Variants in WDR11 observed in about 807,000 individuals in gnomAD.
The protein encoded by WDR11 is WD repeat-containing protein 11.
WDR11 carries 83 observed loss-of-function variants against 151.2 expected under a neutral mutation model. The ratio of observed to expected loss-of-function variants is 0.55; its 90% confidence interval spans 0.46 to 0.66. The LOEUF (loss-of-function observed/expected upper bound fraction) is 0.66. Ranked by LOEUF, WDR11 falls within the 30% of genes least tolerant of loss-of-function variation. The pLI is 0.00. For missense variants in WDR11, 1,301 were observed against 1,480.9 expected (o/e 0.88, Z 1.99); for synonymous variants, 484 against 533.1 (o/e 0.91, Z 1.27).
rs1199360709 is a variant in WDR11 at position 120,909,270 on chromosome 10, G to GTAA, written c.*559_*561dup. 6.5e-6 allele frequency: 1 copy of GTAA among 154,830 alleles called. No homozygotes were observed. The highest frequency in any genetic ancestry group is 2.4e-5 in the African/African-American group (1 of 41,158). 9.6% of individuals were successfully genotyped at this position (154,830 alleles called of 1,614,324 possible). On this transcript the variant is annotated 3_prime_UTR_variant, in exon 29 of 29. Transcript: ENST00000263461. ...TTGGTTTAAGCAGTTGCTAAGTTTT[G>GTAA]TAATTTTAGGCTCAGAGGACCATAG...
At chr10:120,872,058 A>G (rs1009704515) in intron 10 of WDR11, among the ~76,000 whole-genome samples, 2 of 152,192 alleles carry the variant, frequency 1.3e-5, no homozygotes, top group African/African-American at 4.8e-5. Flanking sequence ...TCTTCTTAAG[A>G]TGCTATCGGC....
chr10:120,864,193 A>G (rs1846235400), intron 5 of WDR11, among the ~76,000 whole-genome samples: 1 of 152,152 alleles, frequency 6.6e-6, no homozygotes, highest in Non-Finnish European at 1.5e-5. Flanking sequence ...ACACCAATTT[A>G]AATAAAGTTA....
intron 11 of WDR11, among the ~76,000 whole-genome samples, chr10:120,874,647 A>G (rs919543280): frequency 6.6e-6 from 1 of 151,982 alleles, no homozygotes; most frequent in African/African-American, 2.4e-5. Flanking sequence ...CTTATGAGTG[A>G]GAACATACAG....
chr10:120,891,620 CTT>C (rs1446610563), intron 19 of WDR11, among the ~76,000 whole-genome samples: 2 of 152,204 alleles, frequency 1.3e-5, no homozygotes, highest in African/African-American at 4.8e-5. Context: ...CCCAGCAAAA[CTT>C]TGGTGCACAC....
At position 120,880,997 on chromosome 10, in the gene WDR11, A is replaced by T. The variant is rs535308245; in HGVS notation, c.1739+96A>T. Reference sequence around the variant, plus strand: ...AGAAAATGGGAATGTGCTGGAATGCATATGGAATCTTTTTAGTGATAGCAA... The same window carrying T: ...AGAAAATGGGAATGTGCTGGAATGCTTATGGAATCTTTTTAGTGATAGCAA... On this transcript the variant is annotated intron_variant, in intron 13 of 28. Transcript: ENST00000263461. 11 of 1,094,340 alleles carry T rather than the reference A, an allele frequency of 1.0e-5. No homozygotes were observed. The East Asian group carries it at 2.8e-4, about 28-fold the overall frequency. The allele number at this position is 1,094,340 out of a possible 1,614,324, so 67.8% of individuals were successfully genotyped here.
chr10:120,888,428 A>G (rs1208628199), intron 16 of WDR11, among the ~76,000 whole-genome samples: 2 of 152,136 alleles, frequency 1.3e-5, no homozygotes, highest in Admixed American at 6.5e-5. Flanking sequence ...CCATGATACC[A>G]CCTCTGAGCA....
intron 22 of WDR11, 41 bp from the exon 23 acceptor site, chr10:120,903,014 G>C (rs373480833): frequency 4.4e-6 from 7 of 1,607,974 alleles, no homozygotes; most frequent in Non-Finnish European, 6.0e-6. Context: ...TCCAGGCCAG[G>C]TGTGCTGAGT....
rs1846664807 is a variant in WDR11 at position 120,874,194 on chromosome 10, TTGTTGTTGTTGTTG to T, written c.1556+273_1556+286del. On this transcript the variant is annotated intron_variant, in intron 11 of 28. Transcript: ENST00000263461. ...TTTTGCAGTTTTTTTTTTTTTTTTG[TTGTTGTTGTTGTTG>T]TTTGTTTTGTTTTGTTTTGTTTTTT... Among the ~76,000 whole-genome samples the T allele has an allele frequency of 1.6e-4, 12 of 72,980 alleles. 1 individual carries two copies. The highest frequency in any genetic ancestry group is 1.5e-3 in the East Asian group (3 of 2,026). 47.9% of individuals were successfully genotyped at this position (72,980 alleles called of 152,430 possible). A position where few individuals can be genotyped will look rare whatever the true frequency, so the allele number is the denominator to read the frequency against.
rs879618793 is a variant in WDR11, at chr10:120,904,113, T to C, written c.2998T>C (p.Cys1000Arg). The part of the protein sequence containing the change: ...KRSTYDHTRK[C>R]TDQLLLLGQT... ...GTCAACTTATGATCATACAAGGAAATGTACAGACCAGCTACTGCTCTTGGG... is the reference window on the plus strand; with the variant it reads ...GTCAACTTATGATCATACAAGGAAACGTACAGACCAGCTACTGCTCTTGGG... The change falls in exon 24 of 29, where the codon TGT (cysteine) becomes CGT (arginine). Residue 1000 changes from cysteine to arginine, a missense_variant. Physicochemically the swap from Cys to Arg is radical, Grantham distance 180. Transcript: ENST00000263461. 2 of 1,613,362 alleles carry C rather than the reference T, an allele frequency of 1.2e-6. No homozygotes were observed. The highest frequency in any genetic ancestry group is 1.7e-6 in the Non-Finnish European group (2 of 1,179,540).
chr10:120,893,857 G>A (rs966684927), intron 19 of WDR11, among the ~76,000 whole-genome samples: 1 of 150,854 alleles, frequency 6.6e-6, no homozygotes, highest in Non-Finnish European at 1.5e-5. Context: ...CTTTTTGATG[G>A]GGTTGTTTGT....
Position 120,865,166 on chromosome 10 carries a change from C to A in WDR11, c.833C>A (p.Thr278Lys). Reference sequence around the variant, plus strand: ...ATCCTTGACCTTGAGGTGAATCAGACGGTGGGTGTGATTGCAATAGAACGC... The same window carrying A: ...ATCCTTGACCTTGAGGTGAATCAGAAGGTGGGTGTGATTGCAATAGAACGC... ...ILILDLEVNQ[T>K]VGVIAIERTG... The change falls in exon 6 of 29, where the codon ACG (threonine) becomes AAG (lysine). Residue 278 changes from threonine (T) to lysine (K), a missense_variant. Physicochemically the swap from Thr to Lys is moderately conservative, Grantham distance 78. Transcript: ENST00000263461. 1 of 1,613,870 alleles carries A rather than the reference C, an allele frequency of 6.2e-7. No individual in the cohort carries two copies. The highest frequency in any genetic ancestry group is 8.5e-7 in the Non-Finnish European group (1 of 1,179,856).
At chr10:120,886,008 C>T in intron 15 of WDR11, 70 bp downstream of exon 15, 1 of 1,599,172 alleles carries the variant, frequency 6.3e-7, no homozygotes, top group Non-Finnish European at 8.5e-7. Context: ...TGACAAGTAT[C>T]ATCGGAAGGT....
intron 12 of WDR11, chr10:120,880,044 A>G (rs1197580343): frequency 6.6e-6 from 1 of 152,160 alleles, no homozygotes; most frequent in Non-Finnish European, 1.5e-5. Context: ...TTTAACTAGT[A>G]TTTTGCACAT....
intron 11 of WDR11, among the ~76,000 whole-genome samples, chr10:120,874,205 GTTGTTTGT>G (rs1846668854): frequency 2.5e-5 from 2 of 78,516 alleles, no homozygotes; most frequent in Non-Finnish European, 2.6e-5. Context: ...TGTTGTTGTT[GTTGTTTGT>G]TTTGTTTTGT....
intron 12 of WDR11, chr10:120,879,141 A>T (rs1000042154): frequency 9.2e-5 from 14 of 152,276 alleles, no homozygotes; most frequent in African/African-American, 3.4e-4. Context: ...AACACGAATC[A>T]TATGTAGATG....
At chr10:120,880,263 GA>G (rs1846950752) in intron 12 of WDR11, 1 of 152,118 alleles carries the variant, frequency 6.6e-6, no homozygotes, top group Admixed American at 6.6e-5. Context: ...TGTGACAAAT[GA>G]AAATGCCTTT....
chr10:120,905,926 C>A lies in WDR11; in HGVS notation c.3342C>A (p.Asp1114Glu). ...ECADVLRRWVDHLCSPQVNQK... is the reference protein window; with the variant it reads ...ECADVLRRWVEHLCSPQVNQK... ...CCGATGTTTTAAGGCGGTGGGTTGA[C>A]CACCTTTGTTCTCCACAAGTCAATC... The change falls in exon 27 of 29, where the codon GAC (aspartate) becomes GAA (glutamate). Residue 1114 changes from aspartate to glutamate, a missense_variant. This residue lies in a region of WDR11 where 589 missense variants were observed against 670.6 expected (regional missense o/e 0.88). Transcript: ENST00000263461. 8.1e-6 allele frequency: 13 copies of A among 1,614,048 alleles called. No homozygotes were observed. Among genetic ancestry groups the A allele is most frequent in the Non-Finnish European group, 1.1e-5 (13 of 1,180,010 alleles).
intron 1 of WDR11, chr10:120,851,707 G>A (rs1845780832): frequency 4.7e-6 from 3 of 637,440 alleles, no homozygotes; most frequent in Non-Finnish European, 8.3e-6. Flanking sequence ...ATTCCCCCAT[G>A]CAAATACATT....
chr10:120,904,750 C>G lies in WDR11; in HGVS notation c.3132C>G (p.Gly1044=), dbSNP rs1160845619. The G allele has an allele frequency of 1.1e-5, 18 of 1,614,002 alleles. No homozygotes were observed. The Admixed American group carries it at 1.7e-4, about 15-fold the overall frequency. The change falls in exon 25 of 29, where the codon GGC becomes GGG. Residue 1044 remains glycine (G), a synonymous_variant. Transcript: ENST00000263461. The part of the protein sequence containing the change: ...ACLVTTVTSS[G]PSQSTIKLVA... ...TAGTCACTACTGTCACCTCGTCAGG[C>G]CCCTCTCAGAGCACCATTAAGTTGG...
Sources: gnomAD v4.1 joint callset for allele counts (sites outside exome capture counted in the v4.1 genomes callset) on GRCh38, gnomAD v4.1.1 for gene constraint, gnomAD v4.1.1 regional missense constraint, MANE v1.5 for transcripts, NCBI Gene and HGNC (gene_info 2026-07-23, HGNC 2026-07-21) for gene names.